ZNF599: variants seen among roughly 807,000 people sequenced by gnomAD.
ZNF599 encodes zinc finger protein 599.
ZNF599 carries 10 observed loss-of-function variants against 11.7 expected under a neutral mutation model. That is an observed-to-expected ratio of 0.86 (90% CI 0.53 to 1.45). The LOEUF is 1.45. Ranked by LOEUF, ZNF599 falls within the 40% of genes most tolerant of loss-of-function variation. ZNF599 has a pLI of 0.00. For missense variants in ZNF599, 688 were observed against 713.6 expected (o/e 0.96, Z 0.41); for synonymous variants, 232 against 253.2 (o/e 0.92, Z 0.79).
chr19:34,792,531 C>A, the ZNF599 span, among the ~76,000 whole-genome samples: 1 of 152,064 alleles, frequency 6.6e-6, no homozygotes, highest in Non-Finnish European at 1.5e-5. Flanking sequence ...CTGTATAAAC[C>A]AAGGAACAAC....
rs546136456 is a variant in ZNF599, at chr19:34,772,917, C to T, written c.-76G>A. The T allele has an allele frequency of 3.6e-6, 5 of 1,382,950 alleles. No individual in the cohort carries two copies. The African/African-American group carries it at 4.6e-5, about 13-fold the overall frequency. 85.7% of individuals were successfully genotyped at this position (1,382,950 alleles called of 1,614,324 possible). On this transcript the variant is annotated 5_prime_UTR_variant, in exon 1 of 4. Transcript: ENST00000329285. The stretch of plus-strand genomic sequence containing the variant: ...TGCGGGCTCGGCCGACCCCGGGCTC[C>T]GGCTCTGGGCTGCGAGGGACCTCAG...
intron 3 of ZNF599, among the ~76,000 whole-genome samples, chr19:34,762,368 AAT>A (rs1295675132): frequency 3.3e-5 from 5 of 152,208 alleles, no homozygotes; most frequent in Non-Finnish European, 7.4e-5. Context: ...TGTTCTATGA[AAT>A]CATTCAGATA....
the ZNF599 span, among the ~76,000 whole-genome samples, chr19:34,794,164 T>C: frequency 6.6e-6 from 1 of 152,112 alleles, no homozygotes; most frequent in Non-Finnish European, 1.5e-5. Flanking sequence ...AAGGACAGCA[T>C]GGGAAAGACC....
the ZNF599 span, among the ~76,000 whole-genome samples, chr19:34,794,230 T>G: frequency 6.6e-6 from 1 of 152,090 alleles, no homozygotes; most frequent in Non-Finnish European, 1.5e-5. Context: ...CCACAACATG[T>G]GGGAATTATA....
chr19:34,776,341 C>T (rs2069216661), upstream of ZNF599, among the ~76,000 whole-genome samples: 1 of 152,198 alleles, frequency 6.6e-6, no homozygotes, highest in South Asian at 2.1e-4. Flanking sequence ...ATTTTATTTA[C>T]ACATATTCAC....
upstream of ZNF599, among the ~76,000 whole-genome samples, chr19:34,777,595 T>C (rs1478270890): frequency 1.5e-5 from 2 of 131,904 alleles, no homozygotes; most frequent in Admixed American, 9.2e-5. Context: ...ATCATATATA[T>C]AGGATATATA....
Position 34,759,894 on chromosome 19 carries a change from T to C in ZNF599, c.907A>G (p.Met303Val), listed in dbSNP as rs1259186852. The C allele has an allele frequency of 3.1e-6, 5 of 1,614,064 alleles. No individual in the cohort carries two copies. In the African/African-American group the frequency reaches 4.0e-5, roughly 13 times the overall value. Residue 303 changes from methionine to valine, a missense_variant, in exon 4 of 4, where the codon ATG becomes GTG. Met to Val is a conservative substitution (Grantham distance 21, BLOSUM62 1). Transcript: ENST00000329285. ...THRSSFIQHN[M>V]THTREKPFLC... ...AAGGGTTTTTCTCGAGTGTGAGTCA[T>C]ATTATGCTGGATAAAAGAAGAGCGG...
At chr19:34,804,534 C>T in the ZNF599 span, among the ~76,000 whole-genome samples, 3 of 152,176 alleles carry the variant, frequency 2.0e-5, no homozygotes, top group Non-Finnish European at 2.9e-5. Context: ...CACAGCTTCA[C>T]CTCAAGTCTA....
At chr19:34,788,010 T>C in the ZNF599 span, among the ~76,000 whole-genome samples, 1 of 152,254 alleles carries the variant, frequency 6.6e-6, no homozygotes, top group African/African-American at 2.4e-5. Flanking sequence ...ACGCCTTTTT[T>C]TCTTATTATT....
intron 2 of ZNF599, among the ~76,000 whole-genome samples, chr19:34,767,855 GCAGA>G (rs1240002762): frequency 6.6e-6 from 1 of 152,216 alleles, no homozygotes; most frequent in East Asian, 1.9e-4. Flanking sequence ...AGGAGAGAAA[GCAGA>G]CAGAGAACTG....
At position 34,770,387 on chromosome 19, in the gene ZNF599, C is replaced by T. The variant is rs146774103; in HGVS notation, c.19-832G>A. Among the ~76,000 whole-genome samples the T allele has an allele frequency of 4.6e-3, 699 of 152,370 alleles. 6 individuals carry two copies. Among genetic ancestry groups the T allele is most frequent in the African/African-American group, 0.016 (680 of 41,590 alleles). ...TGACAAGGGCTAAAAATACTTCCTA[C>T]AATTTTTACAGTTAAAACAATTTCA... is the stretch of plus-strand genomic sequence containing the variant. On this transcript the variant is annotated intron_variant, in intron 1 of 3. Transcript: ENST00000329285.
chr19:34,784,333 G>A, the ZNF599 span, among the ~76,000 whole-genome samples: 1 of 152,080 alleles, frequency 6.6e-6, no homozygotes, highest in East Asian at 1.9e-4. Context: ...CAGTCATATT[G>A]GATTAAGATG....
chr19:34,764,088 A>C (rs1217332886), intron 3 of ZNF599: 10 of 152,234 alleles, frequency 6.6e-5, no homozygotes, highest in African/African-American at 1.9e-4. Flanking sequence ...TCTCAAAAAA[A>C]ACCCAAAAAC....
chr19:34,777,354 ATATATTAATATATTATATAT>A (rs1568496914), upstream of ZNF599, among the ~76,000 whole-genome samples: 33 of 91,590 alleles, frequency 3.6e-4, no homozygotes, highest in African/African-American at 1.5e-3. Flanking sequence ...ATTATATATT[ATATATTAATATATTATATAT>A]TATATATTAA....
At chr19:34,801,014 C>A in the ZNF599 span, among the ~76,000 whole-genome samples, 4 of 152,166 alleles carry the variant, frequency 2.6e-5, no homozygotes, top group Non-Finnish European at 1.5e-5. Flanking sequence ...GTTATTTTGA[C>A]CCAATGTGTT....
the ZNF599 span, among the ~76,000 whole-genome samples, chr19:34,779,229 G>A: frequency 1.5e-5 from 2 of 137,638 alleles, no homozygotes; most frequent in Admixed American, 1.5e-4. Flanking sequence ...ACAGGTATGT[G>A]CCACCATGCC....
chr19:34,764,221 T>C (rs1407922820), intron 3 of ZNF599: 5 of 152,214 alleles, frequency 3.3e-5, no homozygotes, highest in Non-Finnish European at 5.9e-5. Context: ...AAGAACACTT[T>C]AAGTGCTGTG....
At chr19:34,782,559 G>A in the ZNF599 span, among the ~76,000 whole-genome samples, 1 of 152,176 alleles carries the variant, frequency 6.6e-6, no homozygotes, top group Non-Finnish European at 1.5e-5. Context: ...GCAGTTGCTG[G>A]GGCTCCTTGG....
At chr19:34,786,417 G>A in the ZNF599 span, among the ~76,000 whole-genome samples, 2 of 152,132 alleles carry the variant, frequency 1.3e-5, no homozygotes, top group African/African-American at 2.4e-5. Context: ...CAAGAGTCCC[G>A]CTGAATCAAG....
Sources: gnomAD v4.1 joint callset for allele counts (sites outside exome capture counted in the v4.1 genomes callset) on GRCh38, gnomAD v4.1.1 for gene constraint, MANE v1.5 for transcripts, NCBI Gene and HGNC (gene_info 2026-07-23, HGNC 2026-07-21) for gene names.